CTDNEP1: variants seen among roughly 807,000 people sequenced by gnomAD.
CTDNEP1 encodes C-terminal domain nuclear envelope phosphatase 1.
CTDNEP1 carries 3 observed loss-of-function variants against 30.1 expected under a neutral mutation model. The observed-to-expected ratio is 0.10, with a 90% CI of 0.05 to 0.26. The LOEUF is 0.26. Ranked by LOEUF, CTDNEP1 falls within the 10% of genes least tolerant of loss-of-function variation. The probability of loss-of-function intolerance (pLI) is 1.00; values close to 1 mark genes in which losing one functional copy is unlikely to be tolerated. For synonymous variants in CTDNEP1, 123 were observed against 118.8 expected (o/e 1.04, Z -0.23); for missense variants, 158 against 310.4 (o/e 0.51, Z 3.69).
chr17:7,251,384 G>T lies in CTDNEP1; in HGVS notation c.-88C>A. The T allele has an allele frequency of 6.5e-6, 6 of 921,924 alleles. No individual in the cohort carries two copies. In the South Asian group the frequency reaches 1.7e-4, roughly 26 times the overall value. 57.1% of individuals were successfully genotyped at this position (921,924 alleles called of 1,614,324 possible). ...GGGCAGCCCCCCGCCGCCGGGAGGG[G>T]GAACGGGGGCCCCGAGTGGCAGGAG... On this transcript the variant is annotated 5_prime_UTR_variant, in exon 1 of 8. Coordinates refer to ENST00000574322, the MANE Select transcript of CTDNEP1 (RefSeq NM_001143775.2).
intron 6 of CTDNEP1, among the ~76,000 whole-genome samples, chr17:7,245,531 C>T (rs921110240): frequency 6.6e-6 from 1 of 151,764 alleles, no homozygotes; most frequent in African/African-American, 2.4e-5. Context: ...CGGCGTCTCG[C>T]TCTGTCACCC....
chr17:7,245,953 C>CCCAGG, intron 6 of CTDNEP1, 73 bp downstream of exon 6: 1 of 985,972 alleles, frequency 1.0e-6, no homozygotes, highest in Non-Finnish European at 1.6e-6. Flanking sequence ...AGGACCAAAG[C>CCCAGG]CCAGGTCTCC....
intron 6 of CTDNEP1, 176 bp from the exon 7 acceptor site, chr17:7,244,811 G>T: frequency 3.5e-6 from 2 of 572,000 alleles, no homozygotes; most frequent in Non-Finnish European, 6.2e-6. Flanking sequence ...TTAATCACCA[G>T]ATCTCATACC....
Position 7,244,136 on chromosome 17 carries a change from C to T in CTDNEP1, c.*49G>A, listed in dbSNP as rs373383465. 34 of 1,611,072 alleles carry T rather than the reference C, an allele frequency of 2.1e-5. No homozygotes were observed. The highest frequency in any genetic ancestry group is 3.5e-4 in the Middle Eastern group (2 of 5,764). ...GGCATCAGACGGCATCCCAAGGGCT[C>T]GCCCTCCCTTTCCCCCCCACCCCAA... On this transcript the variant is annotated 3_prime_UTR_variant, in exon 8 of 8. Coordinates refer to ENST00000574322, the MANE Select transcript of CTDNEP1 (RefSeq NM_001143775.2).
intron 1 of CTDNEP1, among the ~76,000 whole-genome samples, chr17:7,248,117 TG>T (rs2071867533): frequency 6.6e-6 from 1 of 150,842 alleles, no homozygotes; most frequent in Non-Finnish European, 1.5e-5. Context: ...AAAAATTAGC[TG>T]GGCGTGGTGG....
At position 7,246,874 on chromosome 17, in the gene CTDNEP1, C is replaced by A. The variant is rs546218561; in HGVS notation, c.289-12G>T. On this transcript the variant is annotated splice_polypyrimidine_tract_variant and intron_variant, in intron 3 of 7. Coordinates refer to ENST00000574322, the MANE Select transcript of CTDNEP1 (RefSeq NM_001143775.2). This position sits in a 1 kb window ranked among gnomAD's most constrained non-coding sequence, Gnocchi z 4.9. ...TTGTCTATTACCACCTACAGAGGAA[C>A]AAGATGGGCTGGGGGATGTCATGAC... 7 of 1,612,348 alleles carry A rather than the reference C, an allele frequency of 4.3e-6. No homozygotes were observed. In the East Asian group the frequency reaches 6.7e-5, roughly 15 times the overall value.
chr17:7,246,953 C>A lies in CTDNEP1; in HGVS notation c.289-91G>T. ...CACCCATCTGCTTCCCTCCTCCAGG[C>A]TGACACTGGTGCCAGCGGATGGAGA... On this transcript the variant is annotated intron_variant, in intron 3 of 7. Coordinates refer to ENST00000574322, the MANE Select transcript of CTDNEP1 (RefSeq NM_001143775.2). This position sits in a 1 kb window ranked among gnomAD's most constrained non-coding sequence, Gnocchi z 4.9. The A allele has an allele frequency of 7.0e-7, 1 of 1,427,350 alleles. No homozygotes were observed. Among genetic ancestry groups the A allele is most frequent in the Non-Finnish European group, 9.9e-7 (1 of 1,014,050 alleles). The allele number at this position is 1,427,350 out of a possible 1,614,324, so 88.4% of individuals were successfully genotyped here.
intron 1 of CTDNEP1, among the ~76,000 whole-genome samples, chr17:7,249,816 C>T (rs1351864026): frequency 6.6e-6 from 1 of 152,142 alleles, no homozygotes; most frequent in Non-Finnish European, 1.5e-5. Flanking sequence ...GAGGCTGAAG[C>T]AGGAGAATCG....
At chr17:7,247,835 G>A (rs1016554885) in intron 1 of CTDNEP1, among the ~76,000 whole-genome samples, 1 of 151,944 alleles carries the variant, frequency 6.6e-6, no homozygotes, top group African/African-American at 2.4e-5. Flanking sequence ...AGAAACTGAG[G>A]CCACACAGCT....
chr17:7,245,473 T>A (rs1479957148), intron 6 of CTDNEP1, among the ~76,000 whole-genome samples: 16 of 151,498 alleles, frequency 1.1e-4, no homozygotes, highest in South Asian at 6.2e-4. Flanking sequence ...AAAAAATAAA[T>A]AAAAATAAAT....
chr17:7,244,484 C>T, intron 7 of CTDNEP1, 67 bp downstream of exon 7: 2 of 1,429,890 alleles, frequency 1.4e-6, no homozygotes, highest in Admixed American at 1.7e-5. Flanking sequence ...CTTTTTTATT[C>T]CCTCTGAGGA....
chr17:7,244,269 G>A (rs1279124733), intron 7 of CTDNEP1, 24 bp from the exon 8 acceptor site: 3 of 1,612,670 alleles, frequency 1.9e-6, no homozygotes, highest in Admixed American at 1.7e-5. Context: ...AACTTGCATT[G>A]GTAGAGTACC....
In CTDNEP1 at chr17:7,251,354, C is replaced by T. The variant is rs1035459090; in HGVS notation, c.-58G>A. 1 of 1,223,570 alleles carries T rather than the reference C, an allele frequency of 8.2e-7. No individual in the cohort carries two copies. Among genetic ancestry groups the T allele is most frequent in the East Asian group, 3.2e-5 (1 of 31,430 alleles). The allele number at this position is 1,223,570 out of a possible 1,614,324, so 75.8% of individuals were successfully genotyped here. ...CCCCGCGGCCCAGCTCCGCCAGCCC[C>T]CCGGGGGCAGCCCCCCGCCGCCGGG... On this transcript the variant is annotated 5_prime_UTR_variant, in exon 1 of 8. Coordinates refer to ENST00000574322, the MANE Select transcript of CTDNEP1 (RefSeq NM_001143775.2).
chr17:7,248,967 T>G (rs2071879081), intron 1 of CTDNEP1, among the ~76,000 whole-genome samples: 1 of 152,116 alleles, frequency 6.6e-6, no homozygotes. Flanking sequence ...TCAGAGAACC[T>G]CAGCCCTCTG....
intron 1 of CTDNEP1, among the ~76,000 whole-genome samples, chr17:7,248,357 T>C (rs927889378): frequency 2.1e-5 from 3 of 142,528 alleles, no homozygotes; most frequent in Non-Finnish European, 3.0e-5. Flanking sequence ...GCCCTCTTTT[T>C]TTTTCTTTTT....
rs1426181989 is a variant in CTDNEP1 at position 7,251,339 on chromosome 17, C to T, written c.-43G>A. On this transcript the variant is annotated 5_prime_UTR_variant, in exon 1 of 8. Coordinates refer to ENST00000574322, the MANE Select transcript of CTDNEP1 (RefSeq NM_001143775.2). ...CGCCGGCCCCGGGGCCCCCGCGGCC[C>T]AGCTCCGCCAGCCCCCCGGGGGCAG... is the stretch of plus-strand genomic sequence containing the variant. The T allele has an allele frequency of 7.5e-7, 1 of 1,329,708 alleles. No individual in the cohort carries two copies. The highest frequency in any genetic ancestry group is 1.5e-5 in the African/African-American group (1 of 64,824). 82.4% of individuals were successfully genotyped at this position (1,329,708 alleles called of 1,614,324 possible). A position where few individuals can be genotyped will look rare whatever the true frequency, so the allele number is the denominator to read the frequency against.
intron 1 of CTDNEP1, among the ~76,000 whole-genome samples, chr17:7,248,129 T>C (rs1453442955): frequency 2.0e-5 from 3 of 150,784 alleles, no homozygotes; most frequent in Non-Finnish European, 3.0e-5. Context: ...GGCGTGGTGG[T>C]GCGTGCCCAT....
rs758387545 is a variant in CTDNEP1, at chr17:7,246,148, G to A, written c.478-11C>T. On this transcript the variant is annotated splice_polypyrimidine_tract_variant and intron_variant, in intron 5 of 7. Transcript: ENST00000574322. The surrounding 1 kb of genome is among the most constrained non-coding windows in gnomAD (Gnocchi z 4.9). ...CTCCAAAGTGCAGTGCTGGAAGGCA[G>A]GGGATCATGTAGCAGGCCTCTCTCC... 1 of 1,608,580 alleles carries A rather than the reference G, an allele frequency of 6.2e-7. No individual in the cohort carries two copies. The highest frequency in any genetic ancestry group is 8.5e-7 in the Non-Finnish European group (1 of 1,175,082).
rs2071808164 is a variant in CTDNEP1 at position 7,244,034 on chromosome 17, A to G, written c.*151T>C. The stretch of plus-strand genomic sequence containing the variant: ...TGGCCCATGTGTCCATCCAGACTCC[A>G]AGTGGAGTGTAGGGCTCCCAGGGCA... On this transcript the variant is annotated 3_prime_UTR_variant, in exon 8 of 8. Coordinates refer to ENST00000574322, the MANE Select transcript of CTDNEP1 (RefSeq NM_001143775.2). 4 of 1,414,906 alleles carry G rather than the reference A, an allele frequency of 2.8e-6. No homozygotes were observed. The highest frequency in any genetic ancestry group is 2.9e-5 in the African/African-American group (2 of 69,868). The allele number at this position is 1,414,906 out of a possible 1,614,324, so 87.6% of individuals were successfully genotyped here.
Sources: allele counts gnomAD v4.1 joint callset (sites outside exome capture counted in the v4.1 genomes callset), GRCh38; gene constraint gnomAD v4.1.1; non-coding constraint Gnocchi (gnomAD v3.1); transcripts MANE v1.5; gene names NCBI Gene and HGNC (gene_info 2026-07-23, HGNC 2026-07-21).